Variants in DRC8 observed in about 807,000 individuals in gnomAD.
The protein encoded by DRC8 is dynein regulatory complex protein 8.
chr1:245,112,733 C>T, the DRC8 span, among the ~76,000 whole-genome samples: 1 of 151,814 alleles, frequency 6.6e-6, no homozygotes, highest in Non-Finnish European at 1.5e-5. Flanking sequence ...CAAACAGTAA[C>T]TCCCGTTCTT....
At chr1:245,116,305 T>C in the DRC8 span, among the ~76,000 whole-genome samples, 2 of 152,124 alleles carry the variant, frequency 1.3e-5, no homozygotes, top group African/African-American at 4.8e-5. Flanking sequence ...GGAGGATCGC[T>C]TGAGGCCAAG....
the DRC8 span, among the ~76,000 whole-genome samples, chr1:244,975,075 T>C: frequency 1.3e-5 from 2 of 152,012 alleles, no homozygotes; most frequent in Non-Finnish European, 1.5e-5. Context: ...GGACTACAGG[T>C]GCCTGCCACC....
the DRC8 span, among the ~76,000 whole-genome samples, chr1:245,018,656 G>T: frequency 3.0e-4 from 45 of 152,126 alleles, no homozygotes; most frequent in African/African-American, 1.0e-3. Context: ...CCTCCTGGGG[G>T]CGGGGGACAG....
At chr1:244,985,863 CAAAA>C in the DRC8 span, among the ~76,000 whole-genome samples, 1 of 137,516 alleles carries the variant, frequency 7.3e-6, no homozygotes, top group Admixed American at 7.1e-5. Context: ...GACTCCATCT[CAAAA>C]AAAAAAAAAA....
the DRC8 span, among the ~76,000 whole-genome samples, chr1:245,096,392 G>A: frequency 6.6e-6 from 1 of 152,244 alleles, no homozygotes; most frequent in Non-Finnish European, 1.5e-5. Context: ...CAAAATGCCA[G>A]CTTCTTAGGC....
chr1:245,004,312 G>C, the DRC8 span, among the ~76,000 whole-genome samples: 2 of 151,880 alleles, frequency 1.3e-5, no homozygotes, highest in Non-Finnish European at 2.9e-5. Flanking sequence ...AAACTCTTTA[G>C]GAATTTGTAT....
chr1:244,979,367 G>A, the DRC8 span, among the ~76,000 whole-genome samples: 2 of 134,220 alleles, frequency 1.5e-5, no homozygotes, highest in South Asian at 2.5e-4. Context: ...ATGCAGTGGC[G>A]TGATCTCGGC....
the DRC8 span, among the ~76,000 whole-genome samples, chr1:245,055,738 C>T: frequency 6.6e-6 from 1 of 152,352 alleles, no homozygotes; most frequent in East Asian, 1.9e-4. Flanking sequence ...CTCATGAAGT[C>T]TGATGACTCC....
At chr1:245,083,540 TACAC>T in the DRC8 span, 19 of 1,581,468 alleles carry the variant, frequency 1.2e-5, no homozygotes, top group Admixed American at 2.8e-4. Flanking sequence ...TTTATTTACA[TACAC>T]ACATATATGA....
the DRC8 span, among the ~76,000 whole-genome samples, chr1:245,063,263 C>T: frequency 6.6e-6 from 1 of 152,086 alleles, no homozygotes; most frequent in Non-Finnish European, 1.5e-5. Flanking sequence ...GCAAGGGTGC[C>T]CCATCTCCTA....
chr1:245,087,859 T>A, the DRC8 span: 1 of 633,140 alleles, frequency 1.6e-6, no homozygotes, highest in South Asian at 7.1e-5. Flanking sequence ...GAGTGCCAAT[T>A]ACAAATATCA....
At chr1:244,984,943 G>A in the DRC8 span, among the ~76,000 whole-genome samples, 1 of 150,662 alleles carries the variant, frequency 6.6e-6, no homozygotes, top group Admixed American at 6.6e-5. Context: ...TGGTTTACTT[G>A]TTTTCATTTA....
the DRC8 span, among the ~76,000 whole-genome samples, chr1:244,973,522 C>G: frequency 1.3e-5 from 2 of 152,138 alleles, no homozygotes; most frequent in African/African-American, 4.8e-5. Context: ...AGCTATTTTC[C>G]CCAAACTTAT....
At chr1:244,994,875 C>T in the DRC8 span, among the ~76,000 whole-genome samples, 1 of 152,126 alleles carries the variant, frequency 6.6e-6, no homozygotes, top group Non-Finnish European at 1.5e-5. Context: ...GACTGTAGAA[C>T]CATATACTGT....
At chr1:245,030,625 A>G in the DRC8 span, 6 of 152,028 alleles carry the variant, frequency 3.9e-5, no homozygotes, top group Middle Eastern at 3.4e-3. Flanking sequence ...TGGTGATTCT[A>G]CTCACCTGCT....
chr1:245,045,711 A>G, the DRC8 span, among the ~76,000 whole-genome samples: 1 of 152,222 alleles, frequency 6.6e-6, no homozygotes, highest in African/African-American at 2.4e-5. Context: ...TTACAAAGTT[A>G]TACCTCTGTG....
the DRC8 span, chr1:245,124,186 T>C: frequency 5.6e-6 from 1 of 177,892 alleles, no homozygotes; most frequent in Non-Finnish European, 1.2e-5. Context: ...TGACATGAAG[T>C]TGGTGTCACT....
At chr1:245,111,772 A>C in the DRC8 span, among the ~76,000 whole-genome samples, 1 of 152,168 alleles carries the variant, frequency 6.6e-6, no homozygotes, top group Admixed American at 6.6e-5. Flanking sequence ...ATAGTAGCTC[A>C]TGTCTGTAAT....
the DRC8 span, among the ~76,000 whole-genome samples, chr1:244,986,048 C>T: frequency 6.6e-6 from 1 of 151,662 alleles, no homozygotes; most frequent in Non-Finnish European, 1.5e-5. Context: ...CTCCACCTCC[C>T]AGGTTCAAGT....
Sources: gnomAD v4.1 joint callset for allele counts (sites outside exome capture counted in the v4.1 genomes callset) on GRCh38, gnomAD v4.1.1 for gene constraint, MANE v1.5 for transcripts, NCBI Gene and HGNC (gene_info 2026-07-23, HGNC 2026-07-21) for gene names.